The following VAV2 variants were observed in gnomAD, a reference collection of about 807,000 sequenced individuals.
The protein encoded by VAV2 is guanine nucleotide exchange factor VAV2.
VAV2 carries 67 observed loss-of-function variants against 132.5 expected under a neutral mutation model. The ratio of observed to expected loss-of-function variants is 0.51; its 90% confidence interval spans 0.42 to 0.62. The LOEUF is 0.62. Ranked by LOEUF, VAV2 falls within the 20% of genes least tolerant of loss-of-function variation. The pLI is 0.00. For missense variants in VAV2, 938 were observed against 1,153.6 expected, an observed-to-expected ratio of 0.81 and a Z score of 2.71; for synonymous variants, 492 against 443.5, an observed-to-expected ratio of 1.11 and a Z score of -1.37.
intron 1 of VAV2, among the ~76,000 whole-genome samples, chr9:133,944,148 G>A (rs2132154437): frequency 6.6e-6 from 1 of 152,270 alleles, no homozygotes; most frequent in South Asian, 2.1e-4. Context: ...ACAATCTATT[G>A]TGATGGGGAC....
In VAV2 at chr9:133,810,266, C is replaced by A. The variant is rs1016983007; in HGVS notation, c.553-61G>T. The A allele has an allele frequency of 3.1e-6, 5 of 1,609,338 alleles. No individual in the cohort carries two copies. In the African/African-American group the frequency reaches 5.3e-5, roughly 17 times the overall value. The stretch of plus-strand genomic sequence containing the variant: ...GTTAGCAGGGCCCACACTGTCCTGG[C>A]AAGCTGGGCCTGGGACATCAGGAAC... On this transcript the variant is annotated intron_variant, in intron 5 of 29. Transcript: ENST00000371850.
intron 12 of VAV2, among the ~76,000 whole-genome samples, chr9:133,792,392 GTGTGTA>G (rs1455256141): frequency 2.0e-5 from 3 of 148,238 alleles, no homozygotes; most frequent in Admixed American, 6.7e-5. Flanking sequence ...CTGTGCTGTG[GTGTGTA>G]TGTGTATGAG....
chr9:133,799,014 T>TG (rs1834829427), intron 9 of VAV2, among the ~76,000 whole-genome samples: 1 of 152,242 alleles, frequency 6.6e-6, no homozygotes, highest in African/African-American at 2.4e-5. Flanking sequence ...TGAGAGCTGC[T>TG]TTGCCGTAGG....
chr9:133,869,158 T>C (rs982217398), intron 2 of VAV2, among the ~76,000 whole-genome samples: 1 of 152,110 alleles, frequency 6.6e-6, no homozygotes, highest in African/African-American at 2.4e-5. Flanking sequence ...TTACCACACC[T>C]GGCTAATCTT....
At chr9:133,952,535 G>A (rs530627075) in intron 1 of VAV2, among the ~76,000 whole-genome samples, 3 of 151,982 alleles carry the variant, frequency 2.0e-5, no homozygotes, top group African/African-American at 7.2e-5. Flanking sequence ...CCCAGGAGGC[G>A]GAGGTTGCAG....
intron 3 of VAV2, among the ~76,000 whole-genome samples, chr9:133,851,752 AT>A (rs150869598): frequency 0.22 from 32,855 of 150,960 alleles, 4,438 homozygotes; most frequent in African/African-American, 0.39. Flanking sequence ...GGATGGGTAT[AT>A]TGGGTGGATG....
intron 1 of VAV2, among the ~76,000 whole-genome samples, chr9:133,948,917 C>G (rs1359155908): frequency 6.6e-6 from 1 of 152,224 alleles, no homozygotes; most frequent in Non-Finnish European, 1.5e-5. Flanking sequence ...TGGTCTGGTC[C>G]TGTCCCCATG....
At position 133,789,272 on chromosome 9, in the gene VAV2, G is replaced by A. The variant is rs1339474941; in HGVS notation, c.1260C>T (p.His420=). 6.2e-7 allele frequency: 1 copy of A among 1,614,172 alleles called. No individual in the cohort carries two copies. ...GELKVRSIVN[H]TKQDRYLFLF... is the part of the protein sequence containing the mutation. Reference sequence around the variant, plus strand: ...GCCCTGCTCACCTGTCCTGCTTGGTGTGGTTGACTATGGACCGGACTTTCA... The same window carrying A: ...GCCCTGCTCACCTGTCCTGCTTGGTATGGTTGACTATGGACCGGACTTTCA... Residue 420 remains histidine (H), a synonymous_variant, in exon 14 of 30, where the codon CAC becomes CAT. Coordinates refer to ENST00000371850, the MANE Select transcript of VAV2 (RefSeq NM_001134398.2).
At chr9:133,964,321 T>C (rs916763029) in intron 1 of VAV2, among the ~76,000 whole-genome samples, 1 of 151,128 alleles carries the variant, frequency 6.6e-6, no homozygotes. Flanking sequence ...TATATATATA[T>C]ATACACATAT....
At chr9:133,795,402 G>A (rs573176502) in intron 12 of VAV2, among the ~76,000 whole-genome samples, 1 of 152,280 alleles carries the variant, frequency 6.6e-6, no homozygotes, top group East Asian at 1.9e-4. Context: ...AGCAGGGGGA[G>A]GGGAGGCTCA....
chr9:133,853,730 C>T (rs1044339996), intron 3 of VAV2, among the ~76,000 whole-genome samples: 53 of 152,108 alleles, frequency 3.5e-4, no homozygotes, highest in African/African-American at 1.2e-3. Context: ...CAAGCCAGGC[C>T]TGAGTGCCCT....
rs757621399 is a variant in VAV2, at chr9:133,772,047, C to G, written c.2136-1G>C. ...GATGTGCTTCACCTCATCATTGAAC[C>G]TGAGCAAACACACGGCCCCGGCGGT... On this transcript the variant is annotated splice_acceptor_variant, in intron 25 of 29. Transcript: ENST00000371850. LOFTEE classifies it high-confidence loss of function. 1.9e-6 allele frequency: 3 copies of G among 1,613,986 alleles called. No individual in the cohort carries two copies. In the South Asian group the frequency reaches 3.3e-5, roughly 18 times the overall value.
intron 2 of VAV2, among the ~76,000 whole-genome samples, chr9:133,932,000 T>A (rs1360362232): frequency 6.6e-6 from 1 of 152,168 alleles, no homozygotes; most frequent in Admixed American, 6.5e-5. Context: ...AGACCTGTGC[T>A]CAGTCCCAGC....
At chr9:133,843,156 CGGCTCGGGG>C (rs1836792126) in intron 3 of VAV2, among the ~76,000 whole-genome samples, 1 of 152,176 alleles carries the variant, frequency 6.6e-6, no homozygotes, top group African/African-American at 2.4e-5. Context: ...TGGCCACACC[CGGCTCGGGG>C]ATGGCAGTGT....
At chr9:133,939,380 G>A (rs905383787) in intron 1 of VAV2, 161 bp from the exon 2 acceptor site, 9 of 696,208 alleles carry the variant, frequency 1.3e-5, no homozygotes, top group Middle Eastern at 2.5e-4. Flanking sequence ...GAGAGATGAC[G>A]AAACCCCCCG....
Position 133,912,973 on chromosome 9 carries a change from G to A in VAV2, c.321+26130C>T, listed in dbSNP as rs146520584. Reference sequence around the variant, plus strand: ...GGGCGGTGGAGTGCCATTTGGAACCGGGTTTGGGAGGCAGGCACTGTCCTC... The same window carrying A: ...GGGCGGTGGAGTGCCATTTGGAACCAGGTTTGGGAGGCAGGCACTGTCCTC... On this transcript the variant is annotated intron_variant, in intron 2 of 29. Transcript: ENST00000371850. The surrounding 1 kb of genome is among the most constrained non-coding windows in gnomAD (Gnocchi z 4.3). Among the ~76,000 whole-genome samples, 51 of 152,238 alleles carry A rather than the reference G, an allele frequency of 3.4e-4. No individual in the cohort carries two copies. Among genetic ancestry groups the A allele is most frequent in the African/African-American group, 1.1e-3 (46 of 41,542 alleles).
chr9:133,935,280 G>GC lies in VAV2; in HGVS notation c.321+3822dup, dbSNP rs544156130. 9.8e-5 allele frequency among the ~76,000 whole-genome samples: 15 copies of GC among 152,290 alleles called. No individual in the cohort carries two copies. The East Asian group carries it at 2.9e-3, about 29-fold the overall frequency. On this transcript the variant is annotated intron_variant, in intron 2 of 29. Transcript: ENST00000371850. The surrounding 1 kb of genome is among the most constrained non-coding windows in gnomAD (Gnocchi z 5.2). The stretch of plus-strand genomic sequence containing the variant: ...GACGTGTAGGAAACGCTCAGTAAAT[G>GC]CCCCGAAAAAATGAAAGGGGCATTC...
chr9:133,939,973 C>A (rs981993790), intron 1 of VAV2, among the ~76,000 whole-genome samples: 1 of 152,226 alleles, frequency 6.6e-6, no homozygotes, highest in South Asian at 2.1e-4. Context: ...GCCACAGGGG[C>A]GGAAGGCTTG....
chr9:133,815,688 C>A (rs1835530763), intron 4 of VAV2, among the ~76,000 whole-genome samples: 1 of 152,166 alleles, frequency 6.6e-6, no homozygotes, highest in Non-Finnish European at 1.5e-5. Context: ...AACGTGCTAC[C>A]CATCTTCCTT....
Sources: gnomAD v4.1 joint callset for allele counts (sites outside exome capture counted in the v4.1 genomes callset) on GRCh38, gnomAD v4.1.1 for gene constraint, Gnocchi (gnomAD v3.1) non-coding constraint, MANE v1.5 for transcripts, NCBI Gene and HGNC (gene_info 2026-07-23, HGNC 2026-07-21) for gene names.